Variants in PARVA observed in about 807,000 individuals in gnomAD.
PARVA encodes the protein parvin alpha, also known as alpha-parvin.
A neutral mutation model predicts 52.6 loss-of-function variants in PARVA; 25 were observed. That is an observed-to-expected ratio of 0.48 (90% CI 0.35 to 0.66). PARVA has a LOEUF of 0.66. PARVA is among the 30% of genes least tolerant of loss of function. The probability of loss-of-function intolerance (pLI) is 0.01; values close to 1 mark genes in which losing one functional copy is unlikely to be tolerated. For missense variants in PARVA, 373 were observed against 450.9 expected (o/e 0.83, Z 1.56); for synonymous variants, 185 against 179.1 (o/e 1.03, Z -0.26).
chr11:12,518,544 A>G, intron 12 of PARVA, 27 bp downstream of exon 12: 1 of 1,547,002 alleles, frequency 6.5e-7, no homozygotes, highest in Non-Finnish European at 8.9e-7. Flanking sequence ...TGGGTTTGTG[A>G]CAACAGAGTG....
intron 1 of PARVA, among the ~76,000 whole-genome samples, chr11:12,435,126 T>C (rs1232515690): frequency 1.3e-5 from 2 of 152,192 alleles, no homozygotes. Flanking sequence ...ACTTCCCAAT[T>C]TCCAGACTTT....
chr11:12,432,889 C>A (rs993569993), intron 1 of PARVA, among the ~76,000 whole-genome samples: 1 of 152,194 alleles, frequency 6.6e-6, no homozygotes, highest in Non-Finnish European at 1.5e-5. Context: ...CCTGTGGTTA[C>A]ACCCAAAGGA....
intron 1 of PARVA, among the ~76,000 whole-genome samples, chr11:12,466,696 C>T (rs781298853): frequency 4.0e-5 from 6 of 151,668 alleles, no homozygotes; most frequent in Non-Finnish European, 7.4e-5. Flanking sequence ...ATTATCCAAC[C>T]GTAGGTCACA....
At position 12,531,574 on chromosome 11, in the gene PARVA, C is replaced by T. The variant is rs573303967; in HGVS notation, c.*3649C>T. On this transcript the variant is annotated 3_prime_UTR_variant, in exon 13 of 13. Transcript: ENST00000334956. ...ACTGGAAAATAAGACTAGATGGAGT[C>T]GGTAGGTGAAACAGTTTTGCCGTGC... 1.3e-5 allele frequency among the ~76,000 whole-genome samples: 2 copies of T among 151,908 alleles called. No homozygotes were observed. Among genetic ancestry groups the T allele is most frequent in the African/African-American group, 2.4e-5 (1 of 41,336 alleles).
At chr11:12,441,631 G>T (rs555818231) in intron 1 of PARVA, among the ~76,000 whole-genome samples, 1 of 150,754 alleles carries the variant, frequency 6.6e-6, no homozygotes, top group South Asian at 2.1e-4. Flanking sequence ...GTTTGAGAAT[G>T]AAAAAAAAAT....
At chr11:12,469,897 T>G (rs1484586118) in intron 1 of PARVA, among the ~76,000 whole-genome samples, 1 of 152,238 alleles carries the variant, frequency 6.6e-6, no homozygotes, top group African/African-American at 2.4e-5. Context: ...AGAGATCCTG[T>G]TCAGACCCAC....
chr11:12,496,924 T>C (rs1192528413), intron 5 of PARVA, among the ~76,000 whole-genome samples: 2 of 152,194 alleles, frequency 1.3e-5, no homozygotes, highest in African/African-American at 4.8e-5. Flanking sequence ...AGAAAGCTGT[T>C]GTCTGCAGCT....
At chr11:12,422,810 A>G (rs1940170908) in intron 1 of PARVA, among the ~76,000 whole-genome samples, 1 of 152,150 alleles carries the variant, frequency 6.6e-6, no homozygotes, top group Non-Finnish European at 1.5e-5. Context: ...TATATTTATC[A>G]TAATTTAAAA....
At chr11:12,424,515 TAAA>T (rs1478636353) in intron 1 of PARVA, among the ~76,000 whole-genome samples, 2 of 152,116 alleles carry the variant, frequency 1.3e-5, no homozygotes, top group Non-Finnish European at 2.9e-5. Flanking sequence ...AAAAATAAAA[TAAA>T]AAATTCAGTC....
intron 1 of PARVA, among the ~76,000 whole-genome samples, chr11:12,379,781 G>A (rs1486150583): frequency 2.6e-5 from 4 of 152,140 alleles, no homozygotes; most frequent in African/African-American, 9.7e-5. Context: ...TCCCCACATT[G>A]GTTATTTTGG....
intron 5 of PARVA, among the ~76,000 whole-genome samples, chr11:12,504,087 A>G (rs1411662490): frequency 7.9e-5 from 12 of 152,152 alleles, no homozygotes; most frequent in Admixed American, 7.9e-4. Flanking sequence ...TGTACTTATC[A>G]CCAAGGGAAT....
chr11:12,394,568 G>T (rs945954744), intron 1 of PARVA, among the ~76,000 whole-genome samples: 5 of 152,184 alleles, frequency 3.3e-5, no homozygotes, highest in African/African-American at 1.2e-4. Flanking sequence ...AGGGGTCAAG[G>T]TAAAGATGGA....
chr11:12,457,777 G>A (rs1194334941), intron 1 of PARVA, among the ~76,000 whole-genome samples: 1 of 141,192 alleles, frequency 7.1e-6, no homozygotes, highest in Non-Finnish European at 1.5e-5. Context: ...AAATAGTGGG[G>A]GGAGACAGGT....
intron 4 of PARVA, among the ~76,000 whole-genome samples, chr11:12,482,143 C>T (rs544497611): frequency 1.2e-4 from 15 of 125,242 alleles, no homozygotes; most frequent in Admixed American, 3.5e-4. Flanking sequence ...GCAGCAAGAA[C>T]GAAACCCTGT....
intron 1 of PARVA, among the ~76,000 whole-genome samples, chr11:12,450,197 G>A (rs1483122982): frequency 6.6e-6 from 1 of 152,176 alleles, no homozygotes; most frequent in Non-Finnish European, 1.5e-5. Flanking sequence ...AGTAGTACCA[G>A]TAGAATTTTT....
In PARVA at chr11:12,530,769, A is replaced by T. The variant is rs1408166764; in HGVS notation, c.*2844A>T. The stretch of plus-strand genomic sequence containing the variant: ...TGGATATTGTATTACCCTGGGTATT[A>T]AAAAGAACTCCTTTCACATTTTAAA... On this transcript the variant is annotated 3_prime_UTR_variant, in exon 13 of 13. Coordinates refer to ENST00000334956, the MANE Select transcript of PARVA (RefSeq NM_018222.5). 1 of 152,208 alleles carries T rather than the reference A, an allele frequency of 6.6e-6. No homozygotes were observed. Among genetic ancestry groups the T allele is most frequent in the Non-Finnish European group, 1.5e-5 (1 of 68,036 alleles). The allele number at this position is 152,208 out of a possible 1,614,324, so 9.4% of individuals were successfully genotyped here.
At chr11:12,395,086 C>T (rs1425327653) in intron 1 of PARVA, among the ~76,000 whole-genome samples, 2 of 125,772 alleles carry the variant, frequency 1.6e-5, no homozygotes, top group African/African-American at 6.8e-5. Context: ...AGCGAAACTC[C>T]ATCTCAAAAA....
chr11:12,435,686 A>C (rs1299932577), intron 1 of PARVA, among the ~76,000 whole-genome samples: 1 of 152,222 alleles, frequency 6.6e-6, no homozygotes, highest in Non-Finnish European at 1.5e-5. Context: ...CAGTGGAAAC[A>C]GTGTAGGGTT....
At chr11:12,390,514 C>T (rs1235544687) in intron 1 of PARVA, among the ~76,000 whole-genome samples, 1 of 152,194 alleles carries the variant, frequency 6.6e-6, no homozygotes, top group Non-Finnish European at 1.5e-5. Context: ...GTCCTGGGGA[C>T]AGAACCTGGC....
Sources: allele counts gnomAD v4.1 joint callset (sites outside exome capture counted in the v4.1 genomes callset), GRCh38; gene constraint gnomAD v4.1.1; transcripts MANE v1.5; gene names NCBI Gene and HGNC (gene_info 2026-07-23, HGNC 2026-07-21).